Variants in PSD3 observed in about 807,000 individuals in gnomAD.
PSD3 encodes the protein pleckstrin and Sec7 domain containing 3.
Under a neutral mutation model 105.5 loss-of-function variants are expected in PSD3, and 49 were observed. That is an observed-to-expected ratio of 0.46 (90% CI 0.37 to 0.59). PSD3 has a LOEUF of 0.59. Ranked by LOEUF, PSD3 falls within the 20% of genes least tolerant of loss-of-function variation. PSD3 has a pLI of 0.00. For missense variants in PSD3, 1,561 were observed against 1,263.8 expected (o/e 1.24, Z -3.57); for synonymous variants, 557 against 457.8 (o/e 1.22, Z -2.77).
Position 18,872,471 on chromosome 8 carries a change from A to G in PSD3, c.393T>C (p.Ile131=), listed in dbSNP as rs2129457663. Reference sequence around the variant, plus strand: ...CTTTCAGAGCTGAAATCAAAGAGTCAATGGGCTGTAAACTTTGTTCCTTGA... The same window carrying G: ...CTTTCAGAGCTGAAATCAAAGAGTCGATGGGCTGTAAACTTTGTTCCTTGA... ...SHLKEQSLQP[I]DSLISALKAT... is the part of the protein sequence containing the mutation. The change falls in exon 3 of 16, where the codon ATT becomes ATC. Residue 131 remains isoleucine, a synonymous_variant. Transcript: ENST00000327040. 6.2e-7 allele frequency: 1 copy of G among 1,614,174 alleles called. No individual in the cohort carries two copies. The highest frequency in any genetic ancestry group is 1.1e-5 in the South Asian group (1 of 91,086).
At chr8:18,596,835 C>T (rs1424085249) in intron 12 of PSD3, among the ~76,000 whole-genome samples, 1 of 152,036 alleles carries the variant, frequency 6.6e-6, no homozygotes, top group Admixed American at 6.6e-5. Flanking sequence ...GTAATGAAAA[C>T]CCTCCCAACA....
At chr8:18,667,714 C>T (rs1203847065) in intron 9 of PSD3, among the ~76,000 whole-genome samples, 3 of 152,204 alleles carry the variant, frequency 2.0e-5, no homozygotes, top group African/African-American at 4.8e-5. Flanking sequence ...TGGGACCAGG[C>T]GCTGCGGAGC....
intron 9 of PSD3, among the ~76,000 whole-genome samples, chr8:18,676,795 T>C (rs1442611150): frequency 1.3e-5 from 2 of 152,252 alleles, no homozygotes; most frequent in African/African-American, 2.4e-5. Context: ...TTCCCCCTGC[T>C]GCTTCCTGCA....
chr8:18,576,797 T>C (rs1214643343), intron 12 of PSD3, among the ~76,000 whole-genome samples: 1 of 152,016 alleles, frequency 6.6e-6, no homozygotes. Context: ...CTTGAGGGAA[T>C]TTATATGCCA....
intron 13 of PSD3, among the ~76,000 whole-genome samples, chr8:18,574,507 T>C (rs1802354195): frequency 6.6e-6 from 1 of 152,210 alleles, no homozygotes; most frequent in African/African-American, 2.4e-5. Context: ...CTTGTTTCCT[T>C]ATAACCTCCC....
chr8:18,897,355 C>G (rs1010715104), intron 2 of PSD3, among the ~76,000 whole-genome samples: 1 of 152,110 alleles, frequency 6.6e-6, no homozygotes, highest in Non-Finnish European at 1.5e-5. Flanking sequence ...GTTCTATATT[C>G]TGTTCCATTG....
chr8:18,678,391 C>A (rs1483476570), intron 9 of PSD3, among the ~76,000 whole-genome samples: 4 of 152,166 alleles, frequency 2.6e-5, no homozygotes, highest in African/African-American at 9.7e-5. Context: ...GAAAATATAC[C>A]AATCAGAAAC....
At chr8:18,804,422 TAA>T (rs59596734) in intron 6 of PSD3, 98 bp downstream of exon 6, 438,304 of 924,850 alleles carry the variant, frequency 0.47, 94,615 homozygotes, top group Middle Eastern at 0.59. Flanking sequence ...CATGGAGGTT[TAA>T]AAAAAAAAAA....
At chr8:18,538,073 G>T (rs1190773978) in intron 15 of PSD3, among the ~76,000 whole-genome samples, 1 of 152,182 alleles carries the variant, frequency 6.6e-6, no homozygotes, top group Non-Finnish European at 1.5e-5. Context: ...AGGACAACAT[G>T]CTGCACCTGA....
intron 9 of PSD3, among the ~76,000 whole-genome samples, chr8:18,703,083 T>C (rs1268303040): frequency 6.6e-6 from 1 of 152,134 alleles, no homozygotes; most frequent in Non-Finnish European, 1.5e-5. Context: ...GAACTCTCCT[T>C]ATTTGAGAGT....
At chr8:18,714,790 A>G (rs1802483935) in intron 9 of PSD3, among the ~76,000 whole-genome samples, 1 of 152,242 alleles carries the variant, frequency 6.6e-6, no homozygotes, top group Non-Finnish European at 1.5e-5. Context: ...GTATATACCC[A>G]AAGGAATATA....
At chr8:18,888,558 T>A (rs1818581361) in intron 2 of PSD3, among the ~76,000 whole-genome samples, 2 of 152,068 alleles carry the variant, frequency 1.3e-5, no homozygotes, top group Admixed American at 6.6e-5. Context: ...CATAAAGCAC[T>A]CAGAGTAGCA....
intron 4 of PSD3, among the ~76,000 whole-genome samples, chr8:18,836,150 A>G (rs915915231): frequency 1.3e-5 from 2 of 152,210 alleles, no homozygotes; most frequent in African/African-American, 2.4e-5. Flanking sequence ...TGAGATGCCA[A>G]AAAGGTGCTG....
At chr8:18,831,716 C>A (rs1444804305) in intron 4 of PSD3, among the ~76,000 whole-genome samples, 1 of 152,062 alleles carries the variant, frequency 6.6e-6, no homozygotes, top group Non-Finnish European at 1.5e-5. Context: ...AGTGAGACTC[C>A]ATCTCAAAAA....
At chr8:18,824,679 G>A (rs2129449754) in intron 4 of PSD3, among the ~76,000 whole-genome samples, 1 of 152,282 alleles carries the variant, frequency 6.6e-6, no homozygotes, top group South Asian at 2.1e-4. Flanking sequence ...ATTATCTATG[G>A]TAAATGCTAC....
At chr8:18,986,026 A>G (rs1289755738) in intron 1 of PSD3, among the ~76,000 whole-genome samples, 1 of 152,202 alleles carries the variant, frequency 6.6e-6, no homozygotes, top group East Asian at 1.9e-4. Flanking sequence ...CACAAAATGT[A>G]GGGTAGCACA....
chr8:18,907,233 T>C (rs1411899910), intron 2 of PSD3, among the ~76,000 whole-genome samples: 5 of 152,204 alleles, frequency 3.3e-5, no homozygotes, highest in Admixed American at 6.5e-5. Context: ...TAGGCCTTCA[T>C]ATTCACTCAC....
rs1380584188 is a variant in PSD3 at position 18,534,361 on chromosome 8, C to T, written c.*1382G>A. The T allele has an allele frequency of 6.6e-6, 1 of 152,634 alleles. No individual in the cohort carries two copies. The highest frequency in any genetic ancestry group is 2.4e-5 in the African/African-American group (1 of 41,454). 9.5% of individuals were successfully genotyped at this position (152,634 alleles called of 1,614,324 possible). On this transcript the variant is annotated 3_prime_UTR_variant, in exon 16 of 16. Coordinates refer to ENST00000327040, the MANE Select transcript of PSD3 (RefSeq NM_015310.4). The stretch of plus-strand genomic sequence containing the variant: ...TAGGTCTCAGTGGGCTAAACTTTCA[C>T]TCCTTTCTCTTCCTCTACAGAAGAA...
intron 8 of PSD3, among the ~76,000 whole-genome samples, chr8:18,771,974 A>C (rs879376901): frequency 6.6e-6 from 1 of 152,216 alleles, no homozygotes; most frequent in Non-Finnish European, 1.5e-5. Flanking sequence ...AACAAATGGA[A>C]TCATATTTTT....
Sources: gnomAD v4.1 joint callset for allele counts (sites outside exome capture counted in the v4.1 genomes callset) on GRCh38, gnomAD v4.1.1 for gene constraint, MANE v1.5 for transcripts, NCBI Gene and HGNC (gene_info 2026-07-23, HGNC 2026-07-21) for gene names.